GBE1: variants seen among roughly 807,000 people sequenced by gnomAD.
The protein encoded by GBE1 is 1,4-alpha-glucan branching enzyme 1.
GBE1 carries 70 observed loss-of-function variants against 88.8 expected under a neutral mutation model. That is an observed-to-expected ratio of 0.79 (90% CI 0.65 to 0.96). The LOEUF (loss-of-function observed/expected upper bound fraction) is 0.96, where lower values mean the gene tolerates loss of function less well. Among genes scored for constraint, GBE1 ranks in the 40% least tolerant of loss-of-function variants. GBE1 has a pLI of 0.00. For synonymous variants in GBE1, 284 were observed against 300.1 expected (o/e 0.95, Z 0.56); for missense variants, 872 against 871.0 (o/e 1.00, Z -0.01).
intron 15 of GBE1, among the ~76,000 whole-genome samples, chr3:81,496,956 T>A (rs933271289): frequency 1.3e-5 from 2 of 152,202 alleles, no homozygotes; most frequent in African/African-American, 4.8e-5. Flanking sequence ...TGTGTTGGAT[T>A]ACAATTCTGT....
At chr3:81,504,569 T>A (rs768247908) in intron 14 of GBE1, among the ~76,000 whole-genome samples, 11 of 152,174 alleles carry the variant, frequency 7.2e-5, no homozygotes, top group Non-Finnish European at 1.2e-4. Context: ...TAAAATATTA[T>A]GATTTCTTAT....
intron 7 of GBE1, among the ~76,000 whole-genome samples, chr3:81,637,107 ATAAC>A (rs2107047792): frequency 6.6e-6 from 1 of 152,306 alleles, no homozygotes; most frequent in African/African-American, 2.4e-5. Context: ...GAGATTAACA[ATAAC>A]TAATAAAATA....
chr3:81,717,591 G>C (rs770361628), intron 1 of GBE1, among the ~76,000 whole-genome samples: 10 of 152,122 alleles, frequency 6.6e-5, no homozygotes, highest in Non-Finnish European at 1.3e-4. Context: ...GGAGAGGGAG[G>C]TTAAAGAATC....
intron 2 of GBE1, among the ~76,000 whole-genome samples, chr3:81,676,021 TTC>T (rs767187026): frequency 4.6e-5 from 7 of 152,124 alleles, no homozygotes; most frequent in Non-Finnish European, 7.4e-5. Flanking sequence ...TAAATATATT[TTC>T]TGTTTCTTAT....
chr3:81,537,349 T>G (rs1703091700), intron 12 of GBE1, among the ~76,000 whole-genome samples: 2 of 152,038 alleles, frequency 1.3e-5, no homozygotes, highest in South Asian at 4.1e-4. Context: ...CACATCTTGG[T>G]TTCCTCAAGC....
At chr3:81,625,745 C>G (rs1405637828) in intron 7 of GBE1, among the ~76,000 whole-genome samples, 1 of 152,128 alleles carries the variant, frequency 6.6e-6, no homozygotes, top group Non-Finnish European at 1.5e-5. Flanking sequence ...TAGCCCTTGA[C>G]TTTTATTTCT....
intron 7 of GBE1, among the ~76,000 whole-genome samples, chr3:81,594,979 A>G (rs1703937191): frequency 6.6e-6 from 1 of 151,902 alleles, no homozygotes; most frequent in Non-Finnish European, 1.5e-5. Flanking sequence ...AAAACCTTCC[A>G]TATATTAAAG....
intron 7 of GBE1, among the ~76,000 whole-genome samples, chr3:81,642,290 T>C (rs1041892783): frequency 6.6e-6 from 1 of 152,084 alleles, no homozygotes; most frequent in Non-Finnish European, 1.5e-5. Flanking sequence ...CTAATATATC[T>C]AAAACACTTG....
intron 7 of GBE1, among the ~76,000 whole-genome samples, chr3:81,639,915 G>T (rs929547082): frequency 6.6e-6 from 1 of 152,138 alleles, no homozygotes; most frequent in East Asian, 1.9e-4. Flanking sequence ...GTGAAGAAAA[G>T]AAGAGCAGTC....
At position 81,648,996 on chromosome 3, in the gene GBE1, A is replaced by T; in HGVS notation, c.556-5T>A. 1 of 1,553,230 alleles carries T rather than the reference A, an allele frequency of 6.4e-7. No individual in the cohort carries two copies. The highest frequency in any genetic ancestry group is 8.7e-7 in the Non-Finnish European group (1 of 1,142,888). On this transcript the variant is annotated splice_region_variant and splice_polypyrimidine_tract_variant and intron_variant, in intron 4 of 15. Transcript: ENST00000429644. ...CTTTGGTCTGGAATGCTTAAACTACAGAATATAAAATTATGTATAGAGTTA... is the reference window on the plus strand; with the variant it reads ...CTTTGGTCTGGAATGCTTAAACTACTGAATATAAAATTATGTATAGAGTTA...
At chr3:81,591,712 G>A (rs1407888612) in intron 8 of GBE1, among the ~76,000 whole-genome samples, 2 of 151,880 alleles carry the variant, frequency 1.3e-5, no homozygotes, top group Non-Finnish European at 2.9e-5. Context: ...AACTTTGGTT[G>A]GTTATAGTAT....
intron 12 of GBE1, 48 bp downstream of exon 12, chr3:81,577,877 A>G: frequency 6.9e-7 from 1 of 1,441,220 alleles, no homozygotes; most frequent in Non-Finnish European, 9.4e-7. Context: ...TGTCATTATA[A>G]GTTAACATTT....
chr3:81,568,934 C>G (rs1217207722), intron 12 of GBE1, among the ~76,000 whole-genome samples: 1 of 151,864 alleles, frequency 6.6e-6, no homozygotes, highest in Non-Finnish European at 1.5e-5. Flanking sequence ...TGTGAGCTAT[C>G]TAGGAGAAAC....
At chr3:81,601,800 T>C (rs1048470817) in intron 7 of GBE1, among the ~76,000 whole-genome samples, 2 of 152,208 alleles carry the variant, frequency 1.3e-5, no homozygotes, top group Non-Finnish European at 2.9e-5. Flanking sequence ...AATAATCCCT[T>C]TTTTAAATTC....
chr3:81,591,920 A>G (rs747651331), intron 8 of GBE1, among the ~76,000 whole-genome samples: 1 of 152,028 alleles, frequency 6.6e-6, no homozygotes, highest in Non-Finnish European at 1.5e-5. Flanking sequence ...GAAGTCTTAT[A>G]CTTCAAGTTC....
intron 3 of GBE1, among the ~76,000 whole-genome samples, chr3:81,669,880 A>G (rs2107113122): frequency 6.6e-6 from 1 of 152,264 alleles, no homozygotes; most frequent in East Asian, 1.9e-4. Context: ...TACACTTATA[A>G]TTTCATTATT....
At position 81,570,587 on chromosome 3, in the gene GBE1, AG is replaced by A. The variant is rs539384954; in HGVS notation, c.1618+7337del. 2.6e-4 allele frequency among the ~76,000 whole-genome samples: 39 copies of A among 152,356 alleles called. No homozygotes were observed. In the South Asian group the frequency reaches 7.5e-3, roughly 29 times the overall value. On this transcript the variant is annotated intron_variant, in intron 12 of 15. Transcript: ENST00000429644. ...GCCTACTTTTTACTTCCTGTGTATCAGGAAATGAAATTGGAGACTGGTGTAA... is the reference window on the plus strand; with the variant it reads ...GCCTACTTTTTACTTCCTGTGTATCAGAAATGAAATTGGAGACTGGTGTAA...
chr3:81,578,076 C>T lies in GBE1; in HGVS notation c.1467G>A (p.Ser489=), dbSNP rs1350341668. Residue 489 remains serine (S), a synonymous_variant, in exon 12 of 16, where the codon TCG becomes TCA. Transcript: ENST00000429644. ...CGGCATCCATCAACCAAAATGCCAG[C>T]GACTTATCCCCAACCAATGCCTACA... ...SHDQALVGDK[S]LAFWLMDAEM... 4.4e-6 allele frequency: 7 copies of T among 1,602,244 alleles called. No homozygotes were observed. Among genetic ancestry groups the T allele is most frequent in the Middle Eastern group, 1.7e-4 (1 of 6,042 alleles).
intron 14 of GBE1, among the ~76,000 whole-genome samples, chr3:81,514,274 T>G (rs2106834396): frequency 6.6e-6 from 1 of 151,744 alleles, no homozygotes; most frequent in Non-Finnish European, 1.5e-5. Context: ...ATAATAATTT[T>G]TCATTTTAAT....
Sources: gnomAD v4.1 joint callset for allele counts (sites outside exome capture counted in the v4.1 genomes callset) on GRCh38, gnomAD v4.1.1 for gene constraint, MANE v1.5 for transcripts, NCBI Gene and HGNC (gene_info 2026-07-23, HGNC 2026-07-21) for gene names.